PRKG1: variants seen among roughly 807,000 people sequenced by gnomAD.
The protein encoded by PRKG1 is cGMP-dependent protein kinase 1.
A neutral mutation model predicts 88.1 loss-of-function variants in PRKG1; 35 were observed. The ratio of observed to expected loss-of-function variants is 0.40; its 90% CI spans 0.30 to 0.53. PRKG1 has a LOEUF of 0.53. Ranked by LOEUF, PRKG1 falls within the 20% of genes least tolerant of loss-of-function variation. The probability of loss-of-function intolerance (pLI) is 0.59; values close to 1 mark genes in which losing one functional copy is unlikely to be tolerated. For missense variants in PRKG1, 540 were observed against 839.8 expected, an observed-to-expected ratio of 0.64 and a Z score of 4.41; for synonymous variants, 303 against 292.5, an observed-to-expected ratio of 1.04 and a Z score of -0.37.
intron 1 of PRKG1, among the ~76,000 whole-genome samples, chr10:51,102,421 A>G (rs1017279738): frequency 6.6e-6 from 1 of 152,108 alleles, no homozygotes; most frequent in Non-Finnish European, 1.5e-5. Flanking sequence ...GTTTAAAATA[A>G]AGGGTCTCTG....
intron 9 of PRKG1, among the ~76,000 whole-genome samples, chr10:52,193,573 A>C (rs1267983984): frequency 4.9e-5 from 7 of 142,546 alleles, no homozygotes; most frequent in African/African-American, 1.6e-4. Context: ...CAAAAAAAAA[A>C]AACAAAAAAA....
chr10:51,189,444 A>G (rs1837577330), intron 2 of PRKG1, among the ~76,000 whole-genome samples: 1 of 151,904 alleles, frequency 6.6e-6, no homozygotes, highest in Admixed American at 6.6e-5. Flanking sequence ...GCTTTATGGT[A>G]CTACAAAATT....
At chr10:51,902,338 A>G (rs1459004884) in intron 4 of PRKG1, among the ~76,000 whole-genome samples, 1 of 151,178 alleles carries the variant, frequency 6.6e-6, no homozygotes, top group African/African-American at 2.4e-5. Flanking sequence ...CTGGTCTTGA[A>G]CTCCCGACCT....
intron 3 of PRKG1, among the ~76,000 whole-genome samples, chr10:51,503,583 C>G (rs1360362455): frequency 1.3e-5 from 2 of 152,164 alleles, no homozygotes; most frequent in Admixed American, 1.3e-4. Flanking sequence ...CTTAGCCAGC[C>G]TTTGAATCAT....
rs537578436 is a variant in PRKG1, at chr10:51,614,090, G to A, written c.592+146254G>A. On this transcript the variant is annotated intron_variant, in intron 3 of 17. Coordinates refer to ENST00000373980, the MANE Select transcript of PRKG1 (RefSeq NM_006258.4). ...ATTTGTCTAATGCTGAGAGTGGGCTGTAGAAATACCCAACTATTACTGTAT... is the reference window on the plus strand; with the variant it reads ...ATTTGTCTAATGCTGAGAGTGGGCTATAGAAATACCCAACTATTACTGTAT... 9.4e-4 allele frequency among the ~76,000 whole-genome samples: 143 copies of A among 151,938 alleles called. 3 individuals are homozygous for A. The South Asian group carries it at 0.021, about 23-fold the overall frequency.
chr10:51,904,795 A>G (rs556462273), intron 4 of PRKG1, among the ~76,000 whole-genome samples: 24 of 152,274 alleles, frequency 1.6e-4, no homozygotes, highest in South Asian at 4.1e-4. Context: ...GTGAAAGATG[A>G]TATATTTAAA....
At chr10:51,047,410 G>A (rs1029034024) in intron 1 of PRKG1, among the ~76,000 whole-genome samples, 4 of 152,264 alleles carry the variant, frequency 2.6e-5, no homozygotes, top group South Asian at 2.1e-4. Context: ...CATATCATGT[G>A]AAATCCATGT....
chr10:51,726,054 A>G (rs948178919), intron 3 of PRKG1, among the ~76,000 whole-genome samples: 5 of 152,248 alleles, frequency 3.3e-5, no homozygotes, highest in Non-Finnish European at 5.9e-5. Flanking sequence ...GCAAAACTTC[A>G]AAATATAGTT....
chr10:51,957,082 C>T (rs978476796), intron 5 of PRKG1, among the ~76,000 whole-genome samples: 3 of 146,338 alleles, frequency 2.1e-5, no homozygotes, highest in Admixed American at 6.9e-5. Context: ...CTCTCTTTCT[C>T]TCCTTCTGTC....
intron 2 of PRKG1, among the ~76,000 whole-genome samples, chr10:51,249,884 A>G (rs760367137): frequency 6.6e-6 from 1 of 151,818 alleles, no homozygotes; most frequent in Non-Finnish European, 1.5e-5. Context: ...ATTTGTAATT[A>G]TGAACTCTAA....
chr10:52,194,737 C>T (rs1839461887), intron 9 of PRKG1, among the ~76,000 whole-genome samples: 3 of 151,974 alleles, frequency 2.0e-5, no homozygotes, highest in Admixed American at 1.3e-4. Context: ...AATCTTTTTT[C>T]CTGTAATGTT....
chr10:51,642,058 C>T (rs1225389661), intron 3 of PRKG1, among the ~76,000 whole-genome samples: 2 of 152,160 alleles, frequency 1.3e-5, no homozygotes, highest in South Asian at 2.1e-4. Flanking sequence ...GTTACTTGTT[C>T]TACATTTCAT....
At chr10:51,898,285 T>C (rs188330217) in intron 4 of PRKG1, among the ~76,000 whole-genome samples, 297 of 152,314 alleles carry the variant, frequency 1.9e-3, no homozygotes, top group Non-Finnish European at 3.8e-3. Context: ...TGTTCATCTT[T>C]AAATCATATA....
At chr10:51,486,938 C>T (rs958446963) in intron 3 of PRKG1, among the ~76,000 whole-genome samples, 3 of 151,716 alleles carry the variant, frequency 2.0e-5, no homozygotes, top group Admixed American at 6.6e-5. Context: ...TGTCAAATTC[C>T]AATTAATATT....
chr10:51,860,862 A>C (rs1013938131), intron 4 of PRKG1, among the ~76,000 whole-genome samples: 1 of 152,154 alleles, frequency 6.6e-6, no homozygotes, highest in African/African-American at 2.4e-5. Flanking sequence ...TGGAGCAGGG[A>C]GGGTCTAAGT....
chr10:51,499,263 G>A (rs1408663856), intron 3 of PRKG1, among the ~76,000 whole-genome samples: 1 of 152,160 alleles, frequency 6.6e-6, no homozygotes, highest in East Asian at 1.9e-4. Flanking sequence ...AACTCTATGA[G>A]TGTAGAAGAG....
chr10:52,105,696 T>G (rs954166454), intron 7 of PRKG1, among the ~76,000 whole-genome samples: 2 of 151,974 alleles, frequency 1.3e-5, no homozygotes, highest in African/African-American at 4.8e-5. Flanking sequence ...GTCATGGGGG[T>G]TTGTTGTACA....
At chr10:52,169,644 A>G (rs1190036060) in intron 9 of PRKG1, among the ~76,000 whole-genome samples, 1 of 152,226 alleles carries the variant, frequency 6.6e-6, no homozygotes, top group Non-Finnish European at 1.5e-5. Flanking sequence ...TACTTAACAA[A>G]TTGGATTTAG....
chr10:51,654,855 G>C (rs1404448967), intron 3 of PRKG1, among the ~76,000 whole-genome samples: 1 of 152,076 alleles, frequency 6.6e-6, no homozygotes, highest in Non-Finnish European at 1.5e-5. Context: ...CACATTTTAA[G>C]CATGAGGAAG....
Sources: gnomAD v4.1 joint callset for allele counts (sites outside exome capture counted in the v4.1 genomes callset) on GRCh38, gnomAD v4.1.1 for gene constraint, MANE v1.5 for transcripts, NCBI Gene and HGNC (gene_info 2026-07-23, HGNC 2026-07-21) for gene names.